SEPTIN9: variants seen among roughly 807,000 people sequenced by gnomAD.
The protein encoded by SEPTIN9 is septin-9.
A neutral mutation model predicts 56.6 loss-of-function variants in SEPTIN9; 13 were observed. The ratio of observed to expected loss-of-function variants is 0.23; its 90% confidence interval spans 0.15 to 0.37. The LOEUF (loss-of-function observed/expected upper bound fraction) is 0.37, where lower values mean the gene tolerates loss of function less well. Among genes scored for constraint, SEPTIN9 ranks in the 10% least tolerant of loss-of-function variants. The pLI, the probability that SEPTIN9 is intolerant of heterozygous loss-of-function variation, is 1.00. For synonymous variants in SEPTIN9, 332 were observed against 334.1 expected, an observed-to-expected ratio of 0.99 and a Z score of 0.07; for missense variants, 650 against 823.1, an observed-to-expected ratio of 0.79 and a Z score of 2.57.
chr17:77,424,762 G>C (rs769101371), intron 3 of SEPTIN9, among the ~76,000 whole-genome samples: 4 of 152,312 alleles, frequency 2.6e-5, no homozygotes, highest in Admixed American at 2.6e-4. Flanking sequence ...TGCCTCGGAG[G>C]GTTTTTGGGA....
At chr17:77,382,419 G>T (rs760653679) in intron 2 of SEPTIN9, among the ~76,000 whole-genome samples, 1 of 152,228 alleles carries the variant, frequency 6.6e-6, no homozygotes, top group Non-Finnish European at 1.5e-5. Context: ...GGTGGGAGGT[G>T]GGGGAGAGGG....
intron 3 of SEPTIN9, among the ~76,000 whole-genome samples, chr17:77,477,344 C>T (rs543715991): frequency 5.9e-5 from 9 of 152,188 alleles, no homozygotes; most frequent in East Asian, 1.9e-4. Flanking sequence ...CACCAATCTG[C>T]GCTTTGTCCC....
intron 3 of SEPTIN9, among the ~76,000 whole-genome samples, chr17:77,459,278 G>T (rs1229998325): frequency 6.6e-6 from 1 of 152,198 alleles, no homozygotes; most frequent in Non-Finnish European, 1.5e-5. Context: ...GAACTGCCTG[G>T]TGCCACCTCC....
chr17:77,294,412 T>TCG (rs2031711440), intron 1 of SEPTIN9: 1 of 153,600 alleles, frequency 6.5e-6, no homozygotes. Context: ...AGAGTGAGAC[T>TCG]CCATCTCAAA....
intron 10 of SEPTIN9, among the ~76,000 whole-genome samples, chr17:77,493,577 A>G (rs773393134): frequency 4.6e-5 from 7 of 152,116 alleles, no homozygotes; most frequent in Admixed American, 3.9e-4. Flanking sequence ...TCACAGTTCC[A>G]GAGGCCAGAG....
intron 2 of SEPTIN9, among the ~76,000 whole-genome samples, chr17:77,349,520 G>A (rs1012482867): frequency 5.3e-5 from 8 of 152,106 alleles, no homozygotes; most frequent in Non-Finnish European, 7.4e-5. Flanking sequence ...TTTGGCCTCC[G>A]TTGTTTCTGT....
At chr17:77,481,959 G>C in intron 3 of SEPTIN9, 185 bp from the exon 4 acceptor site, 1 of 614,994 alleles carries the variant, frequency 1.6e-6, no homozygotes, top group Non-Finnish European at 2.8e-6. Context: ...CAGCTTTTTA[G>C]AGGACACCAC....
chr17:77,402,746 G>T lies in SEPTIN9; in HGVS notation c.721+43G>T. The T allele has an allele frequency of 6.6e-7, 1 of 1,512,758 alleles. No individual in the cohort carries two copies. Among genetic ancestry groups the T allele is most frequent in the Non-Finnish European group, 8.8e-7 (1 of 1,131,956 alleles). The allele number at this position is 1,512,758 out of a possible 1,614,324, so 93.7% of individuals were successfully genotyped here. A position where few individuals can be genotyped will look rare whatever the true frequency, so the allele number is the denominator to read the frequency against. On this transcript the variant is annotated intron_variant, in intron 3 of 11. Transcript: ENST00000427177. This position sits in a 1 kb window ranked among gnomAD's most constrained non-coding sequence, Gnocchi z 6.6. ...AGGTCTTGGATGCTGTGGTAATGGG[G>T]GGCCTGGTTGCTGGCTTTGCCACAG...
chr17:77,406,714 A>T (rs928076340), intron 3 of SEPTIN9, among the ~76,000 whole-genome samples: 2 of 151,224 alleles, frequency 1.3e-5, no homozygotes, highest in Non-Finnish European at 2.9e-5. Flanking sequence ...TCTATCACCC[A>T]GGCTGGAGTG....
rs778561673 is a variant in SEPTIN9 at position 77,433,949 on chromosome 17, C to A, written c.721+31246C>A. Among the ~76,000 whole-genome samples the A allele has an allele frequency of 3.9e-5, 6 of 152,202 alleles. No homozygotes were observed. Among genetic ancestry groups the A allele is most frequent in the Non-Finnish European group, 7.4e-5 (5 of 68,022 alleles). On this transcript the variant is annotated intron_variant, in intron 3 of 11. Transcript: ENST00000427177. The surrounding 1 kb of genome is among the most constrained non-coding windows in gnomAD (Gnocchi z 6.4). Reference sequence around the variant, plus strand: ...AGCTTGCTGTGGGGCCTCCCCCGATCGGGGGACTTCCCAGCACAGAGCTTT... The same window carrying A: ...AGCTTGCTGTGGGGCCTCCCCCGATAGGGGGACTTCCCAGCACAGAGCTTT...
At position 77,487,566 on chromosome 17, in the gene SEPTIN9, AGTGGGCTGGGG is replaced by A; in HGVS notation, c.1042+18_1042+28del. ...CCATCACGCACGGTCAGTGGCCGGG[AGTGGGCTGGGG>A]GTGCAGGACGCCCCTGCCTTCCTGG... On this transcript the variant is annotated intron_variant, in intron 5 of 11. Transcript: ENST00000427177. This position sits in a 1 kb window ranked among gnomAD's most constrained non-coding sequence, Gnocchi z 4.3. 1 of 1,604,916 alleles carries A rather than the reference AGTGGGCTGGGG, an allele frequency of 6.2e-7. No homozygotes were observed. Among genetic ancestry groups the A allele is most frequent in the Non-Finnish European group, 8.5e-7 (1 of 1,177,154 alleles).
chr17:77,441,249 G>A (rs543147072), intron 3 of SEPTIN9, among the ~76,000 whole-genome samples: 3 of 152,214 alleles, frequency 2.0e-5, no homozygotes, highest in South Asian at 2.1e-4. Flanking sequence ...CCCCCACCCC[G>A]GCCTGCTTCC....
chr17:77,472,184 G>A (rs1208808707), intron 3 of SEPTIN9, among the ~76,000 whole-genome samples: 1 of 152,088 alleles, frequency 6.6e-6, no homozygotes, highest in Admixed American at 6.5e-5. Flanking sequence ...AACAGAGGAG[G>A]GCCTCTTCCA....
chr17:77,388,322 C>T (rs2035410658), intron 2 of SEPTIN9, among the ~76,000 whole-genome samples: 1 of 152,178 alleles, frequency 6.6e-6, no homozygotes, highest in African/African-American at 2.4e-5. Flanking sequence ...CTCTGGTTAC[C>T]CCTTCTGGAA....
At chr17:77,452,180 C>T (rs768661225) in intron 3 of SEPTIN9, among the ~76,000 whole-genome samples, 8 of 152,222 alleles carry the variant, frequency 5.3e-5, no homozygotes, top group Non-Finnish European at 1.0e-4. Context: ...TGCTTCTCTA[C>T]AATGGCATGC....
chr17:77,386,770 C>T (rs1239393133), intron 2 of SEPTIN9, among the ~76,000 whole-genome samples: 3 of 152,124 alleles, frequency 2.0e-5, no homozygotes, highest in East Asian at 1.9e-4. Context: ...AAGGAAAATA[C>T]GGGCATAGGG....
At chr17:77,439,097 A>G (rs2037454543) in intron 3 of SEPTIN9, among the ~76,000 whole-genome samples, 1 of 152,190 alleles carries the variant, frequency 6.6e-6, no homozygotes, top group Non-Finnish European at 1.5e-5. Context: ...TTGCAAGTGA[A>G]GAAATGGAGG....
At chr17:77,494,974 C>G (rs148664496) in intron 10 of SEPTIN9, among the ~76,000 whole-genome samples, 9 of 152,346 alleles carry the variant, frequency 5.9e-5, no homozygotes, top group African/African-American at 2.2e-4. Context: ...CCCTTGGCCC[C>G]TCTGCCTGCA....
At chr17:77,303,760 T>TG in intron 1 of SEPTIN9, among the ~76,000 whole-genome samples, 1 of 152,188 alleles carries the variant, frequency 6.6e-6, no homozygotes, top group Non-Finnish European at 1.5e-5. Context: ...TGCTAGTACT[T>TG]GCGCCATGTG....
Sources: gnomAD v4.1 joint callset for allele counts (sites outside exome capture counted in the v4.1 genomes callset) on GRCh38, gnomAD v4.1.1 for gene constraint, Gnocchi (gnomAD v3.1) non-coding constraint, MANE v1.5 for transcripts, NCBI Gene and HGNC (gene_info 2026-07-23, HGNC 2026-07-21) for gene names.